Variants in WLS observed in about 807,000 individuals in gnomAD.
WLS encodes the protein protein wntless homolog.
Under a neutral mutation model 62.8 loss-of-function variants are expected in WLS, and 23 were observed. The observed-to-expected ratio is 0.37, with a 90% CI of 0.26 to 0.52. The LOEUF is 0.52. Ranked by LOEUF, WLS falls within the 20% of genes least tolerant of loss-of-function variation. The pLI is 0.92. For missense variants in WLS, 615 were observed against 697.3 expected (o/e 0.88, Z 1.33); for synonymous variants, 246 against 244.1 (o/e 1.01, Z -0.07).
At position 68,103,736 on chromosome 1, in the gene WLS, G is replaced by A. The variant is rs142159070; in HGVS notation, c.1511-4983C>T. Among the ~76,000 whole-genome samples, 1,500 of 152,248 alleles carry A rather than the reference G, an allele frequency of 9.9e-3. 12 individuals carry two copies. Among genetic ancestry groups the A allele is most frequent in the Non-Finnish European group, 0.011 (782 of 68,004 alleles). ...GGAGCACAGAGTCGGGTTTGGAGGC[G>A]TGCCCAGCATCATCCCCGCCAAGCC... On this transcript the variant is annotated intron_variant, in intron 11 of 11. Transcript: ENST00000354777.
At chr1:68,126,389 TG>T in intron 11 of WLS, 54 bp from the exon 12 acceptor site, 3 of 1,607,442 alleles carry the variant, frequency 1.9e-6, no homozygotes, top group Non-Finnish European at 2.5e-6. Flanking sequence ...AGAAGCAAGC[TG>T]GGGTTCATCT....
intron 5 of WLS, among the ~76,000 whole-genome samples, chr1:68,151,161 T>A (rs1447746221): frequency 6.6e-6 from 1 of 152,090 alleles, no homozygotes; most frequent in Admixed American, 6.5e-5. Context: ...CAGACAGGAA[T>A]GGAGCTGACT....
Position 68,125,501 on chromosome 1 carries a change from C to G in WLS, c.*725G>C, listed in dbSNP as rs577463582. The G allele has an allele frequency of 1.0e-6, 1 of 985,384 alleles. No individual in the cohort carries two copies. The highest frequency in any genetic ancestry group is 4.7e-5 in the South Asian group (1 of 21,286). 61.0% of individuals were successfully genotyped at this position (985,384 alleles called of 1,614,324 possible). On this transcript the variant is annotated 3_prime_UTR_variant, in exon 12 of 12. Transcript: ENST00000262348. ...CATTTTAAGCAAGAAGTTAAAAAAG[C>G]TTTTCAGACCCGAAGGCCATTTAAT...
At chr1:68,202,662 G>A (rs2100630050) in intron 1 of WLS, 1 of 152,260 alleles carries the variant, frequency 6.6e-6, no homozygotes, top group South Asian at 2.1e-4. Flanking sequence ...TTTGACTTTG[G>A]GCCAGTGCTT....
intron 11 of WLS, among the ~76,000 whole-genome samples, chr1:68,130,889 CTTTT>C (rs56038722): frequency 6.0e-5 from 6 of 100,826 alleles, no homozygotes; most frequent in South Asian, 4.0e-4. Flanking sequence ...GTTTCTTCTT[CTTTT>C]TTTTTTTTTT....
At chr1:68,149,437 C>T (rs1055670275) in intron 6 of WLS, among the ~76,000 whole-genome samples, 2 of 152,180 alleles carry the variant, frequency 1.3e-5, no homozygotes, top group Admixed American at 1.3e-4. Context: ...TCTCTCTCTG[C>T]TCTCACACTG....
At chr1:68,185,243 C>T (rs939015575) in intron 2 of WLS, among the ~76,000 whole-genome samples, 5 of 152,208 alleles carry the variant, frequency 3.3e-5, no homozygotes, top group Admixed American at 6.5e-5. Flanking sequence ...GTTATAAATA[C>T]GCGTTCCCAT....
intron 2 of WLS, among the ~76,000 whole-genome samples, chr1:68,178,957 C>T (rs746950482): frequency 6.6e-6 from 1 of 152,136 alleles, no homozygotes; most frequent in East Asian, 1.9e-4. Context: ...TATTTATACA[C>T]TGACTCACCT....
chr1:68,206,881 C>T (rs1441479125), intron 1 of WLS, among the ~76,000 whole-genome samples: 1 of 152,196 alleles, frequency 6.6e-6, no homozygotes, highest in African/African-American at 2.4e-5. Flanking sequence ...AAAGTTCCTA[C>T]AAATTAGGGT....
At chr1:68,136,061 G>A (rs1481736504) in intron 11 of WLS, among the ~76,000 whole-genome samples, 1 of 152,186 alleles carries the variant, frequency 6.6e-6, no homozygotes, top group East Asian at 1.9e-4. Flanking sequence ...GTCAAGGGGT[G>A]AGGGAAACTC....
At chr1:68,201,695 T>C (rs1263634592) in intron 1 of WLS, among the ~76,000 whole-genome samples, 2 of 152,226 alleles carry the variant, frequency 1.3e-5, no homozygotes, top group Non-Finnish European at 2.9e-5. Flanking sequence ...ACATCTGTTC[T>C]AGGAAAGCTA....
In WLS at chr1:68,143,402, C is replaced by T. The variant is rs143429396; in HGVS notation, c.1362+1167G>A. Among the ~76,000 whole-genome samples, 59 of 152,324 alleles carry T rather than the reference C, an allele frequency of 3.9e-4. No homozygotes were observed. The East Asian group carries it at 7.5e-3, about 19-fold the overall frequency. On this transcript the variant is annotated intron_variant, in intron 10 of 11. Transcript: ENST00000262348. ...CTTGCTATTCATAAGAACACAGCTA[C>T]TCATGCTTACAATGTGCCAGGTGCT...
chr1:68,149,859 T>C (rs1280784260), intron 6 of WLS, among the ~76,000 whole-genome samples: 1 of 152,330 alleles, frequency 6.6e-6, no homozygotes, highest in East Asian at 1.9e-4. Flanking sequence ...ATACTAATCA[T>C]TAGAATGTGT....
At chr1:68,180,758 C>CT (rs1647518482) in intron 2 of WLS, among the ~76,000 whole-genome samples, 1 of 152,120 alleles carries the variant, frequency 6.6e-6, no homozygotes, top group African/African-American at 2.4e-5. Context: ...TTTCTCAATC[C>CT]TTTGACTCTG....
At chr1:68,168,342 T>C (rs1227139636) in intron 2 of WLS, among the ~76,000 whole-genome samples, 1 of 152,196 alleles carries the variant, frequency 6.6e-6, no homozygotes, top group Non-Finnish European at 1.5e-5. Flanking sequence ...AGTGTATAAA[T>C]TGGGCACCAA....
intron 11 of WLS, among the ~76,000 whole-genome samples, 168 bp from the exon 12 acceptor site, chr1:68,126,503 A>G (rs1477874583): frequency 6.6e-6 from 1 of 152,206 alleles, no homozygotes; most frequent in Non-Finnish European, 1.5e-5. Flanking sequence ...AAACCTGTTC[A>G]CTTGGACTTT....
At chr1:68,202,605 T>C (rs997517084) in intron 1 of WLS, 2 of 152,218 alleles carry the variant, frequency 1.3e-5, no homozygotes, top group African/African-American at 4.8e-5. Flanking sequence ...GGCTCATCTG[T>C]TGACGCTATT....
At chr1:68,136,409 C>A (rs1163002156) in intron 11 of WLS, among the ~76,000 whole-genome samples, 1 of 152,206 alleles carries the variant, frequency 6.6e-6, no homozygotes, top group Non-Finnish European at 1.5e-5. Context: ...AAAGTAGACT[C>A]ATGATCCCCT....
rs1553131191 is a variant in WLS at position 68,170,160 on chromosome 1, C to CTTTTTTTCTTT, written c.380-10914_380-10913insAAAGAAAAAAA. On this transcript the variant is annotated intron_variant, in intron 2 of 11. Coordinates refer to ENST00000262348, the MANE Select transcript of WLS (RefSeq NM_024911.7). ...ACTCAGTCAATGCTGGCTACTATTT[C>CTTTTTTTCTTT]TTTTTTTTTTTTTTTTTTTTTTGAG... Among the ~76,000 whole-genome samples, 466 of 86,808 alleles carry CTTTTTTTCTTT rather than the reference C, an allele frequency of 5.4e-3. 4 individuals carry two copies. Among genetic ancestry groups the CTTTTTTTCTTT allele is most frequent in the Non-Finnish European group, 8.4e-3 (365 of 43,452 alleles). The allele number at this position is 86,808 out of a possible 152,430, so 56.9% of individuals were successfully genotyped here.
Sources: allele counts gnomAD v4.1 joint callset (sites outside exome capture counted in the v4.1 genomes callset), GRCh38; gene constraint gnomAD v4.1.1; transcripts MANE v1.5; gene names NCBI Gene and HGNC (gene_info 2026-07-23, HGNC 2026-07-21).